ITGA7: variants seen among roughly 807,000 people sequenced by gnomAD.
The protein encoded by ITGA7 is integrin alpha-7.
Under a neutral mutation model 131.6 loss-of-function variants are expected in ITGA7, and 84 were observed. The ratio of observed to expected loss-of-function variants is 0.64; its 90% CI spans 0.54 to 0.77. ITGA7 has a LOEUF of 0.77. ITGA7 is among the 30% of genes least tolerant of loss of function. The pLI is 0.00. For missense variants in ITGA7, 1,399 were observed against 1,482.9 expected, an observed-to-expected ratio of 0.94 and a Z score of 0.93; for synonymous variants, 548 against 600.7, an observed-to-expected ratio of 0.91 and a Z score of 1.28.
In ITGA7 at chr12:55,698,853, G is replaced by C; in HGVS notation, c.855C>G (p.Ala285=). 6.2e-7 allele frequency: 1 copy of C among 1,613,644 alleles called. No homozygotes were observed. The highest frequency in any genetic ancestry group is 8.5e-7 in the Non-Finnish European group (1 of 1,179,930). The change falls in exon 6 of 25, where the codon GCC becomes GCG. Residue 285 remains alanine (A), a synonymous_variant. Transcript: ENST00000257879. ...CAGCACCCTTGTGGTTGGCGCGGGGGGCTCCAGCCACAAAGCTCAGCTCTT... is the reference window on the plus strand; with the variant it reads ...CAGCACCCTTGTGGTTGGCGCGGGGCGCTCCAGCCACAAAGCTCAGCTCTT... The part of the protein sequence containing the change: ...RAEELSFVAG[A]PRANHKGAVV...
chr12:55,715,781 C>A, upstream of ITGA7: 1 of 375,338 alleles, frequency 2.7e-6, no homozygotes, highest in Non-Finnish European at 4.8e-6. Context: ...TTAAATGAGG[C>A]CAGGGAGCTT....
chr12:55,694,137 G>C lies in ITGA7; in HGVS notation c.2433-14C>G. 6.2e-7 allele frequency: 1 copy of C among 1,613,616 alleles called. No individual in the cohort carries two copies. On this transcript the variant is annotated splice_polypyrimidine_tract_variant and intron_variant, in intron 18 of 24. Transcript: ENST00000257879. This position sits in a 1 kb window ranked among gnomAD's most constrained non-coding sequence, Gnocchi z 5.3. ...GGAATGGCCATTCTGGCGTGGAGAG[G>C]TCAGAACAGGGGTGAGAAGGTCTGG...
At chr12:55,695,139 C>A in intron 14 of ITGA7, 169 bp from the exon 15 acceptor site, 1 of 658,972 alleles carries the variant, frequency 1.5e-6, no homozygotes, top group Non-Finnish European at 2.6e-6. Context: ...GACTGGGAGT[C>A]AGGGGACCTC....
At chr12:55,695,495 C>T in intron 14 of ITGA7, 27 bp downstream of exon 14, 1 of 1,234,782 alleles carries the variant, frequency 8.1e-7, no homozygotes, top group Non-Finnish European at 1.2e-6. Flanking sequence ...GCCCTCCCAC[C>T]CCCACCCTGC....
At chr12:55,698,959 C>A (rs1297948426) in intron 5 of ITGA7, 42 bp from the exon 6 acceptor site, 1 of 1,545,956 alleles carries the variant, frequency 6.5e-7, no homozygotes, top group Non-Finnish European at 8.8e-7. Flanking sequence ...CACCCCAAGA[C>A]TCAGAAGCTG....
In ITGA7 at chr12:55,693,211, A is replaced by G. The variant is rs794727321; in HGVS notation, c.2642T>C (p.Val881Ala). 1.9e-6 allele frequency: 3 copies of G among 1,613,934 alleles called. No individual in the cohort carries two copies. The highest frequency in any genetic ancestry group is 3.3e-5 in the Admixed American group (2 of 59,982). Residue 881 changes from valine to alanine, a missense_variant, in exon 20 of 25, where the codon GTT becomes GCT. Transcript: ENST00000257879. ...NGKWLLYPMQ[V>A]ELEGGQGPGQ... Reference sequence around the variant, plus strand: ...AGGCCCCTGCCCGCCCTCCAGCTCAACCTGCATTGGGTACAGCAACCACTT... The same window carrying G: ...AGGCCCCTGCCCGCCCTCCAGCTCAGCCTGCATTGGGTACAGCAACCACTT...
In ITGA7 at chr12:55,694,057, C is replaced by T; in HGVS notation, c.2499G>A (p.Glu833=). Residue 833 remains glutamate, a synonymous_variant, in exon 19 of 25, where the codon GAG becomes GAA. Coordinates refer to ENST00000257879, the MANE Select transcript of ITGA7 (RefSeq NM_002206.3). This position sits in a 1 kb window ranked among gnomAD's most constrained non-coding sequence, Gnocchi z 5.3. ...ACTTGACCTTGCTGCCCACATCCCG[C>T]TCAGACTGCATGGCTCTCTCGCCCC... ...VVRGERAMQS[E]RDVGSKVKYE... 2 of 1,614,194 alleles carry T rather than the reference C, an allele frequency of 1.2e-6. No homozygotes were observed. Among genetic ancestry groups the T allele is most frequent in the South Asian group, 2.2e-5 (2 of 91,074 alleles).
rs753034157 is a variant in ITGA7 at position 55,707,697 on chromosome 12, G to A, written c.-15C>T. 3.8e-5 allele frequency: 59 copies of A among 1,560,646 alleles called. No homozygotes were observed. Among genetic ancestry groups the A allele is most frequent in the Non-Finnish European group, 5.0e-5 (58 of 1,152,202 alleles). ...GCCCCGGCCATGGGACGATCCCTGCGCGAGCTCCCAGCGAATGCAAGGGAA... is the reference window on the plus strand; with the variant it reads ...GCCCCGGCCATGGGACGATCCCTGCACGAGCTCCCAGCGAATGCAAGGGAA... On this transcript the variant is annotated 5_prime_UTR_variant, in exon 1 of 25. Coordinates refer to ENST00000257879, the MANE Select transcript of ITGA7 (RefSeq NM_002206.3).
chr12:55,694,279 A>G lies in ITGA7; in HGVS notation c.2409T>C (p.Ile803=), dbSNP rs1232500854. The change falls in exon 18 of 25, where the codon ATT becomes ATC. Residue 803 remains isoleucine, a synonymous_variant. Coordinates refer to ENST00000257879, the MANE Select transcript of ITGA7 (RefSeq NM_002206.3). This position sits in a 1 kb window ranked among gnomAD's most constrained non-coding sequence, Gnocchi z 5.3. ...ACCCTGCAATGGACAGTGGCAGCTC[A>G]ATGAAGACACGGGCTCGTGCAGAGA... The part of the protein sequence containing the change: ...HPVSARARVF[I]ELPLSIAGMA... 3 of 1,613,932 alleles carry G rather than the reference A, an allele frequency of 1.9e-6. No individual in the cohort carries two copies. Among genetic ancestry groups the G allele is most frequent in the Non-Finnish European group, 8.5e-7 (1 of 1,179,994 alleles).
chr12:55,698,605 G>A (rs1873194674), intron 6 of ITGA7, 29 bp from the exon 7 acceptor site: 1 of 1,613,698 alleles, frequency 6.2e-7, no homozygotes, highest in Admixed American at 1.7e-5. Context: ...ATTCAGTGTG[G>A]GTCCTCCCTG....
chr12:55,696,157 T>A, intron 13 of ITGA7, 126 bp downstream of exon 13: 2 of 1,024,460 alleles, frequency 2.0e-6, no homozygotes, highest in East Asian at 2.6e-5. Flanking sequence ...CCTAGAGATA[T>A]GAGGAATTAC....
rs912015320 is a variant in ITGA7, at chr12:55,693,210, A to C, written c.2643T>G (p.Val881=). ...NGKWLLYPMQ[V]ELEGGQGPGQ... Reference sequence around the variant, plus strand: ...CAGGCCCCTGCCCGCCCTCCAGCTCAACCTGCATTGGGTACAGCAACCACT... The same window carrying C: ...CAGGCCCCTGCCCGCCCTCCAGCTCCACCTGCATTGGGTACAGCAACCACT... Residue 881 remains valine, a synonymous_variant, in exon 20 of 25, where the codon GTT becomes GTG. Transcript: ENST00000257879. 1.2e-5 allele frequency: 19 copies of C among 1,613,764 alleles called. No individual in the cohort carries two copies. The highest frequency in any genetic ancestry group is 1.6e-5 in the Non-Finnish European group (19 of 1,179,944).
At chr12:55,700,458 G>T in intron 4 of ITGA7, 1 of 1,539,966 alleles carries the variant, frequency 6.5e-7, no homozygotes, top group South Asian at 1.2e-5. Context: ...GCCGGACACT[G>T]AGTTAGACAG....
Position 55,694,810 on chromosome 12 carries a change from G to A in ITGA7, c.2164C>T (p.His722Tyr), listed in dbSNP as rs1555161168. 1 of 1,613,958 alleles carries A rather than the reference G, an allele frequency of 6.2e-7. No homozygotes were observed. The highest frequency in any genetic ancestry group is 8.5e-7 in the Non-Finnish European group (1 of 1,179,986). ...QLLVMLPDSL[H>Y]YSGVRALDPA... ...TCCAGGGCCCGGACCCCTGAGTAGT[G>A]CAGTGAGTCAGGAAGCATGACCAGG... Residue 722 changes from histidine (H) to tyrosine (Y), a missense_variant, in exon 15 of 25, where the codon CAC becomes TAC. Coordinates refer to ENST00000257879, the MANE Select transcript of ITGA7 (RefSeq NM_002206.3). This position sits in a 1 kb window ranked among gnomAD's most constrained non-coding sequence, Gnocchi z 5.3.
rs1229045064 is a variant in ITGA7, at chr12:55,688,028, G to C, written c.3126C>G (p.Leu1042=). The change falls in exon 24 of 25, where the codon CTC becomes CTG. Residue 1042 remains leucine (L), a synonymous_variant. Coordinates refer to ENST00000257879, the MANE Select transcript of ITGA7 (RefSeq NM_002206.3). ...VAEGVPWWVI[L]LAVLAGLLVL... ...CCAGCAGCCCAGCCAGTACAGCCAG[G>C]AGGATGACCCACCAGGGCACTCCTT... The C allele has an allele frequency of 6.2e-7, 1 of 1,614,056 alleles. No individual in the cohort carries two copies. The highest frequency in any genetic ancestry group is 1.1e-5 in the South Asian group (1 of 91,086).
Position 55,703,184 on chromosome 12 carries a change from A to C in ITGA7, c.207-6T>G. ...GGGGAGCACCCACCAGCAGCCTGCA[A>C]GATGGGGCAGGGGCAGGGACAGGGA... On this transcript the variant is annotated splice_region_variant and splice_polypyrimidine_tract_variant and intron_variant, in intron 1 of 24. Coordinates refer to ENST00000257879, the MANE Select transcript of ITGA7 (RefSeq NM_002206.3). 1 of 1,608,528 alleles carries C rather than the reference A, an allele frequency of 6.2e-7. No homozygotes were observed. Among genetic ancestry groups the C allele is most frequent in the Non-Finnish European group, 8.5e-7 (1 of 1,179,944 alleles).
upstream of ITGA7, chr12:55,708,041 T>C: frequency 8.8e-7 from 1 of 1,142,362 alleles, no homozygotes; most frequent in Non-Finnish European, 1.1e-6. Context: ...GAAACTAGCC[T>C]TGCTGACCCC....
At chr12:55,686,361 A>G in intron 24 of ITGA7, 4 of 1,163,102 alleles carry the variant, frequency 3.4e-6, no homozygotes, top group Non-Finnish European at 4.6e-6. Context: ...GAGGATGGAA[A>G]GATTGAGGAA....
At chr12:55,695,150 C>T (rs1299266609) in intron 14 of ITGA7, 180 bp from the exon 15 acceptor site, 15 of 636,744 alleles carry the variant, frequency 2.4e-5, no homozygotes, top group South Asian at 3.8e-5. Flanking sequence ...AGGGGACCTC[C>T]GTTCTCATCT....
Sources: gnomAD v4.1 joint callset for allele counts on GRCh38, gnomAD v4.1.1 for gene constraint, Gnocchi (gnomAD v3.1) non-coding constraint, MANE v1.5 for transcripts, NCBI Gene and HGNC (gene_info 2026-07-23, HGNC 2026-07-21) for gene names.